SPATC1L: variants seen among roughly 807,000 people sequenced by gnomAD.
The protein encoded by SPATC1L is speriolin-like protein.
A neutral mutation model predicts 21.2 loss-of-function variants in SPATC1L; 20 were observed. The observed-to-expected ratio is 0.94, with a 90% CI of 0.66 to 1.37. The LOEUF is 1.37. Ranked by LOEUF, SPATC1L falls within the 40% of genes most tolerant of loss-of-function variation. The pLI, the probability that SPATC1L is intolerant of heterozygous loss-of-function variation, is 0.00. For synonymous variants in SPATC1L, 290 were observed against 234.5 expected (o/e 1.24, Z -2.16); for missense variants, 499 against 478.7 (o/e 1.04, Z -0.40).
At chr21:46,181,362 G>A (rs547042679) in intron 2 of SPATC1L, among the ~76,000 whole-genome samples, 2 of 152,284 alleles carry the variant, frequency 1.3e-5, no homozygotes, top group Non-Finnish European at 2.9e-5. Flanking sequence ...CACTGTCCCC[G>A]CACATCCTGG....
At chr21:46,161,832 G>C (rs1188868916) in intron 4 of SPATC1L, 84 bp downstream of exon 4, 2 of 1,540,318 alleles carry the variant, frequency 1.3e-6, no homozygotes, top group Non-Finnish European at 1.7e-6. Flanking sequence ...ACAGTGCCCG[G>C]CCAGGAGCCA....
At chr21:46,161,866 G>C (rs765835917) in intron 4 of SPATC1L, 50 bp downstream of exon 4, 2 of 1,585,554 alleles carry the variant, frequency 1.3e-6, no homozygotes, top group African/African-American at 2.7e-5. Context: ...GCACAGGGAC[G>C]GACCGAGCGC....
intron 3 of SPATC1L, among the ~76,000 whole-genome samples, chr21:46,167,195 G>A (rs746836719): frequency 3.3e-5 from 5 of 152,254 alleles, no homozygotes; most frequent in Non-Finnish European, 5.9e-5. Context: ...AAGAAATTAA[G>A]AAGGAAATTT....
chr21:46,164,899 T>C (rs774032050), intron 3 of SPATC1L, among the ~76,000 whole-genome samples: 5 of 152,036 alleles, frequency 3.3e-5, no homozygotes, highest in Non-Finnish European at 5.9e-5. Context: ...CTAGTATAGG[T>C]TCTAGAAATG....
At chr21:46,181,442 G>A (rs569374725) in intron 2 of SPATC1L, among the ~76,000 whole-genome samples, 6 of 152,302 alleles carry the variant, frequency 3.9e-5, no homozygotes, top group Admixed American at 6.5e-5. Context: ...GTGTGGGGAC[G>A]ATGCCATGGA....
rs562176015 is a variant in SPATC1L, at chr21:46,161,844, G to A, written c.696+72C>T. ...CGGACAGTGCCCGGCCAGGAGCCAA[G>A]ATCTGGGGGCCGCACAGGGACGGAC... On this transcript the variant is annotated intron_variant, in intron 4 of 4. Transcript: ENST00000291672. 1.7e-5 allele frequency: 26 copies of A among 1,560,276 alleles called. No homozygotes were observed. In the East Asian group the frequency reaches 4.4e-4, roughly 26 times the overall value.
chr21:46,176,403 T>G (rs2079634077), intron 2 of SPATC1L, among the ~76,000 whole-genome samples: 1 of 152,114 alleles, frequency 6.6e-6, no homozygotes, highest in African/African-American at 2.4e-5. Flanking sequence ...CAACCTAGAT[T>G]CTTAAGCTGA....
chr21:46,182,052 C>T (rs56127585), intron 2 of SPATC1L, among the ~76,000 whole-genome samples: 13,128 of 152,234 alleles, frequency 0.086, 679 homozygotes, highest in African/African-American at 0.13. Context: ...ATCATGGCTC[C>T]ACACTCCCAG....
chr21:46,169,290 T>G (rs1158556021), intron 2 of SPATC1L, among the ~76,000 whole-genome samples: 1 of 128,684 alleles, frequency 7.8e-6, no homozygotes, highest in East Asian at 2.1e-4. Flanking sequence ...CCCTGCTCTG[T>G]GAACATCCTC....
In SPATC1L at chr21:46,161,496, C is replaced by A. The variant is rs779186054; in HGVS notation, c.906G>T (p.Ala302=). The A allele has an allele frequency of 6.2e-7, 1 of 1,606,610 alleles. No individual in the cohort carries two copies. The highest frequency in any genetic ancestry group is 8.5e-7 in the Non-Finnish European group (1 of 1,176,426). Residue 302 remains alanine (A), a synonymous_variant, in exon 5 of 5, where the codon GCG becomes GCT. Coordinates refer to ENST00000291672, the MANE Select transcript of SPATC1L (RefSeq NM_001142854.2). ...CCACGTCGATGACCAGCTTGCGCAG[C>A]GCGGCCGGGCTGCTGTGCAGGGGGT... ...RANPLHSSPA[A]LRKLVIDVVP... is the part of the protein sequence containing the mutation.
In SPATC1L at chr21:46,168,528, G is replaced by A. The variant is rs764284214; in HGVS notation, c.324C>T (p.Ala108=). Residue 108 remains alanine (A), a synonymous_variant, in exon 3 of 5, where the codon GCC becomes GCT. Transcript: ENST00000291672. ...SEDDTSPGCA[A]PSQAPFKAFL... The stretch of plus-strand genomic sequence containing the variant: ...AGGCCTTGAAGGGTGCCTGGGAGGG[G>A]GCTGCACAGCCCGGGGAGGTGTCGT... 78 of 1,534,558 alleles carry A rather than the reference G, an allele frequency of 5.1e-5. No homozygotes were observed. The highest frequency in any genetic ancestry group is 1.7e-4 in the Middle Eastern group (1 of 5,942).
At position 46,161,577 on chromosome 21, in the gene SPATC1L, G is replaced by C. The variant is rs760250235; in HGVS notation, c.825C>G (p.Ser275Arg). Reference protein sequence around the residue: ...GYSRDVHPAFSEFLINTYGIL... With the variant: ...GYSRDVHPAFREFLINTYGIL... ...TTCCGTAGGTGTTGATGAGGAACTC[G>C]CTGAACGCCGGGTGCACGTCGCGGC... The change falls in exon 5 of 5, where the codon AGC (serine) becomes AGG (arginine). Residue 275 changes from serine (S) to arginine (R), a missense_variant. Coordinates refer to ENST00000291672, the MANE Select transcript of SPATC1L (RefSeq NM_001142854.2). The C allele has an allele frequency of 6.2e-7, 1 of 1,610,252 alleles. No individual in the cohort carries two copies. The highest frequency in any genetic ancestry group is 8.5e-7 in the Non-Finnish European group (1 of 1,178,870).
chr21:46,161,373 G>C lies in SPATC1L; in HGVS notation c.*6C>G. ...ACTGCAGGCAAGGCGGCGGGCGCGG[G>C]GCGGCTCACCAGGCGAAGAGGGGCT... On this transcript the variant is annotated 3_prime_UTR_variant, in exon 5 of 5. Coordinates refer to ENST00000291672, the MANE Select transcript of SPATC1L (RefSeq NM_001142854.2). The C allele has an allele frequency of 6.6e-7, 1 of 1,507,098 alleles. No homozygotes were observed. Among genetic ancestry groups the C allele is most frequent in the Middle Eastern group, 1.8e-4 (1 of 5,626 alleles). The allele number at this position is 1,507,098 out of a possible 1,614,324, so 93.4% of individuals were successfully genotyped here. A position where few individuals can be genotyped will look rare whatever the true frequency, so the allele number is the denominator to read the frequency against.
At chr21:46,173,675 G>A (rs1447062184) in intron 2 of SPATC1L, among the ~76,000 whole-genome samples, 1 of 152,074 alleles carries the variant, frequency 6.6e-6, no homozygotes, top group Non-Finnish European at 1.5e-5. Flanking sequence ...ACCTAGACCT[G>A]TGCCAACCAG....
At position 46,182,805 on chromosome 21, in the gene SPATC1L, G is replaced by A. The variant is rs55819909; in HGVS notation, c.12C>T (p.Gly4=). 0.082 allele frequency: 126,895 copies of A among 1,539,016 alleles called. 5,724 individuals carry two copies. The highest frequency in any genetic ancestry group is 0.14 in the African/African-American group (10,111 of 72,916). ...TCAGGAGCCGGCTCATCAGCTCGCCGCCTTCAGCCATGGCGGGTGCGTCCC... is the reference window on the plus strand; with the variant it reads ...TCAGGAGCCGGCTCATCAGCTCGCCACCTTCAGCCATGGCGGGTGCGTCCC... MAE[G]GELMSRLLSE... The change falls in exon 2 of 5, where the codon GGC becomes GGT. Residue 4 remains glycine, a synonymous_variant. Transcript: ENST00000291672.
At chr21:46,174,349 A>AAAAAAAAAAAAC (rs2079616008) in intron 2 of SPATC1L, among the ~76,000 whole-genome samples, 1 of 147,216 alleles carries the variant, frequency 6.8e-6, no homozygotes, top group African/African-American at 2.6e-5. Flanking sequence ...CAAAACAAAA[A>AAAAAAAAAAAAC]AAAAAAAAAA....
chr21:46,178,251 A>C (rs1329550362), intron 2 of SPATC1L, among the ~76,000 whole-genome samples: 3 of 151,642 alleles, frequency 2.0e-5, no homozygotes, highest in African/African-American at 7.2e-5. Flanking sequence ...AAAAAAAAAA[A>C]AAAAACCAGA....
chr21:46,167,034 A>G (rs1020072293), intron 3 of SPATC1L, among the ~76,000 whole-genome samples: 3 of 152,212 alleles, frequency 2.0e-5, no homozygotes, highest in Non-Finnish European at 2.9e-5. Context: ...CTGCAAAACA[A>G]GTCTTTAAAA....
In SPATC1L at chr21:46,182,802, G is replaced by T. The variant is rs1013458020; in HGVS notation, c.15C>A (p.Gly5=). Residue 5 remains glycine (G), a synonymous_variant, in exon 2 of 5, where the codon GGC becomes GGA. Coordinates refer to ENST00000291672, the MANE Select transcript of SPATC1L (RefSeq NM_001142854.2). MAEG[G]ELMSRLLSEN... ...CGCTCAGGAGCCGGCTCATCAGCTC[G>T]CCGCCTTCAGCCATGGCGGGTGCGT... 1 of 1,539,844 alleles carries T rather than the reference G, an allele frequency of 6.5e-7. No homozygotes were observed. Among genetic ancestry groups the T allele is most frequent in the Non-Finnish European group, 8.8e-7 (1 of 1,142,112 alleles).
Sources: gnomAD v4.1 joint callset for allele counts (sites outside exome capture counted in the v4.1 genomes callset) on GRCh38, gnomAD v4.1.1 for gene constraint, MANE v1.5 for transcripts, NCBI Gene and HGNC (gene_info 2026-07-23, HGNC 2026-07-21) for gene names.